The following SLC30A8 variants were observed in gnomAD, a reference collection of about 807,000 sequenced individuals.
The protein encoded by SLC30A8 is solute carrier family 30 member 8.
SLC30A8 carries 27 observed loss-of-function variants against 36.9 expected under a neutral mutation model. The observed-to-expected ratio is 0.73, with a 90% CI of 0.54 to 1.01. The LOEUF (loss-of-function observed/expected upper bound fraction) is 1.01, where lower values mean the gene tolerates loss of function less well. Among genes scored for constraint, SLC30A8 ranks in the 50% least tolerant of loss-of-function variants. The pLI is 0.00. For synonymous variants in SLC30A8, 164 were observed against 172.4 expected (o/e 0.95, Z 0.38); for missense variants, 439 against 452.0 (o/e 0.97, Z 0.26).
Position 116,957,939 on chromosome 8 carries a change from C to CT in SLC30A8, c.-266+6821dup, listed in dbSNP as rs557726075. ...CAGTCTACAGCACCTGAGGGCAGCCCTGTGTCCTCCCACCACTGTCACCCA... is the reference window on the plus strand; with the variant it reads ...CAGTCTACAGCACCTGAGGGCAGCCCTTGTGTCCTCCCACCACTGTCACCCA... On this transcript the variant is annotated intron_variant, in intron 1 of 10. Coordinates refer to the SLC30A8 transcript ENST00000427715. Among the ~76,000 whole-genome samples, 18 of 152,286 alleles carry CT rather than the reference C, an allele frequency of 1.2e-4. No individual in the cohort carries two copies. The South Asian group carries it at 3.5e-3, about 30-fold the overall frequency.
At chr8:117,123,099 G>A (rs150349328) in intron 2 of SLC30A8, among the ~76,000 whole-genome samples, 4 of 152,004 alleles carry the variant, frequency 2.6e-5, no homozygotes, top group South Asian at 2.1e-4. Flanking sequence ...TCCGTCTTCT[G>A]TCTCACCTTA....
chr8:116,995,154 C>T (rs143331771), intron 1 of SLC30A8, among the ~76,000 whole-genome samples: 1 of 152,166 alleles, frequency 6.6e-6, no homozygotes, highest in African/African-American at 2.4e-5. Flanking sequence ...CTACCTCAGC[C>T]TCTAAACTGA....
At chr8:117,070,768 A>G (rs921718976) in intron 2 of SLC30A8, among the ~76,000 whole-genome samples, 1 of 152,164 alleles carries the variant, frequency 6.6e-6, no homozygotes, top group Non-Finnish European at 1.5e-5. Context: ...TCATGTAACC[A>G]TCATTCTACT....
intron 1 of SLC30A8, among the ~76,000 whole-genome samples, chr8:116,991,174 A>G (rs946228857): frequency 6.6e-6 from 1 of 152,172 alleles, no homozygotes; most frequent in East Asian, 1.9e-4. Flanking sequence ...AAGAATAGTC[A>G]TCGTTTTAAA....
intron 1 of SLC30A8, among the ~76,000 whole-genome samples, chr8:117,141,678 C>CT (rs1282050579): frequency 6.6e-6 from 1 of 152,104 alleles, no homozygotes; most frequent in Non-Finnish European, 1.5e-5. Context: ...AATGTGCAGT[C>CT]TTTTATCATA....
intron 2 of SLC30A8, among the ~76,000 whole-genome samples, chr8:117,055,329 G>A (rs558782201): frequency 6.0e-4 from 92 of 152,264 alleles, no homozygotes; most frequent in African/African-American, 2.1e-3. Flanking sequence ...AATCTCCTTG[G>A]TTATATGCTG....
chr8:117,038,403 G>A lies in SLC30A8; in HGVS notation c.-265-816G>A, dbSNP rs540122042. Among the ~76,000 whole-genome samples, 25 of 152,168 alleles carry A rather than the reference G, an allele frequency of 1.6e-4. No individual in the cohort carries two copies. The South Asian group carries it at 3.3e-3, about 20-fold the overall frequency. On this transcript the variant is annotated intron_variant, in intron 1 of 10. Transcript: ENST00000427715. ...TCCTTTGAAACCACTGATGATATCT[G>A]CTGCTGTATATCTTGATTTATTTTC... is the stretch of plus-strand genomic sequence containing the variant.
At chr8:117,093,832 C>T (rs980318938) in intron 2 of SLC30A8, among the ~76,000 whole-genome samples, 3 of 152,158 alleles carry the variant, frequency 2.0e-5, no homozygotes, top group Admixed American at 1.3e-4. Context: ...TGACCTGAAT[C>T]CCATGCCTGC....
chr8:117,037,090 A>T (rs1482750266), intron 1 of SLC30A8, among the ~76,000 whole-genome samples: 2 of 152,176 alleles, frequency 1.3e-5, no homozygotes, highest in East Asian at 3.9e-4. Context: ...TTTTCTTGGC[A>T]TCATGAAAAA....
At position 117,174,187 on chromosome 8, in the gene SLC30A8, ATGT is replaced by A. The variant is rs1473651595; in HGVS notation, c.*1513_*1515del. On this transcript the variant is annotated 3_prime_UTR_variant, in exon 8 of 8. Coordinates refer to ENST00000456015, the MANE Select transcript of SLC30A8 (RefSeq NM_173851.3). ...AGGAGATAGGTCTTAGATGATTTTT[ATGT>A]TGTTGTCAGACTCTAGCAAGGTACT... is the stretch of plus-strand genomic sequence containing the variant. The A allele has an allele frequency of 6.6e-6, 1 of 152,108 alleles. No homozygotes were observed. The highest frequency in any genetic ancestry group is 1.5e-5 in the Non-Finnish European group (1 of 68,010). The allele number at this position is 152,108 out of a possible 1,614,324, so 9.4% of individuals were successfully genotyped here. A position where few individuals can be genotyped will look rare whatever the true frequency, so the allele number is the denominator to read the frequency against.
intron 1 of SLC30A8, among the ~76,000 whole-genome samples, chr8:116,970,182 C>G (rs1046424432): frequency 6.6e-6 from 1 of 151,300 alleles, no homozygotes; most frequent in Admixed American, 6.6e-5. Context: ...GTTAAAAAAC[C>G]AAGACACAAA....
chr8:117,155,269 C>T (rs898005527), intron 3 of SLC30A8, among the ~76,000 whole-genome samples: 4 of 152,188 alleles, frequency 2.6e-5, no homozygotes, highest in South Asian at 2.1e-4. Context: ...AGCTTTACCT[C>T]GCCAGCTCTT....
At chr8:117,022,518 C>T (rs1273631295) in intron 1 of SLC30A8, among the ~76,000 whole-genome samples, 1 of 152,058 alleles carries the variant, frequency 6.6e-6, no homozygotes, top group Non-Finnish European at 1.5e-5. Context: ...CATACTGGTA[C>T]CAAAACAGAG....
At chr8:117,153,344 CT>C (rs1822291951) in intron 3 of SLC30A8, among the ~76,000 whole-genome samples, 1 of 152,204 alleles carries the variant, frequency 6.6e-6, no homozygotes, top group African/African-American at 2.4e-5. Context: ...CTGCCCCAGC[CT>C]CAGGGACTCT....
rs776740854 is a variant in SLC30A8, at chr8:117,174,548, G to C, written c.*1867G>C. ...ATCGGGTTCTCAAAATGGAAAGAAT[G>C]GTTTATGCCAAATCACTTTTCCTGT... On this transcript the variant is annotated 3_prime_UTR_variant, in exon 8 of 8. Coordinates refer to ENST00000456015, the MANE Select transcript of SLC30A8 (RefSeq NM_173851.3). 1.3e-5 allele frequency: 2 copies of C among 152,448 alleles called. No homozygotes were observed. The highest frequency in any genetic ancestry group is 2.9e-5 in the Non-Finnish European group (2 of 68,010). 9.4% of individuals were successfully genotyped at this position (152,448 alleles called of 1,614,324 possible). A position where few individuals can be genotyped will look rare whatever the true frequency, so the allele number is the denominator to read the frequency against.
Position 117,005,947 on chromosome 8 carries a change from A to G in SLC30A8, c.-265-33272A>G, listed in dbSNP as rs189481783. On this transcript the variant is annotated intron_variant, in intron 1 of 10. Transcript: ENST00000427715. ...AAAACAACCTCAGAAAGTAAGTATT[A>G]TTAGTTGTAACTTAAAAGTGAGCAA... Among the ~76,000 whole-genome samples the G allele has an allele frequency of 2.4e-3, 364 of 152,350 alleles. 4 individuals carry two copies. Among genetic ancestry groups the G allele is most frequent in the African/African-American group, 8.4e-3 (350 of 41,582 alleles).
chr8:117,060,722 C>T (rs1371750140), intron 2 of SLC30A8, among the ~76,000 whole-genome samples: 3 of 152,208 alleles, frequency 2.0e-5, no homozygotes, highest in African/African-American at 7.2e-5. Flanking sequence ...TGTTTTATCA[C>T]ATATGTTTTC....
intron 1 of SLC30A8, among the ~76,000 whole-genome samples, chr8:116,969,202 G>A (rs140768086): frequency 1.2e-4 from 18 of 152,206 alleles, no homozygotes; most frequent in Middle Eastern, 6.8e-3. Flanking sequence ...CGGATCATTT[G>A]AGGTCAGGAG....
intron 1 of SLC30A8, among the ~76,000 whole-genome samples, chr8:116,965,816 T>C (rs1814580856): frequency 6.6e-6 from 1 of 152,176 alleles, no homozygotes; most frequent in Non-Finnish European, 1.5e-5. Context: ...GACATTAACC[T>C]GTTTTTTTGC....
Sources: allele counts gnomAD v4.1 joint callset (sites outside exome capture counted in the v4.1 genomes callset), GRCh38; gene constraint gnomAD v4.1.1; transcripts MANE v1.5; gene names NCBI Gene and HGNC (gene_info 2026-07-23, HGNC 2026-07-21).